IQSEC1: variants seen among roughly 807,000 people sequenced by gnomAD.
IQSEC1 encodes IQ motif and SEC7 domain-containing protein 1.
In IQSEC1, 31 loss-of-function variants were observed where a neutral mutation model predicts 91.0. The ratio of observed to expected loss-of-function variants is 0.34; its 90% CI spans 0.26 to 0.46. IQSEC1 has a LOEUF of 0.46. IQSEC1 is among the 20% of genes least tolerant of loss of function. The pLI, the probability that IQSEC1 is intolerant of heterozygous loss-of-function variation, is 1.00. For synonymous variants in IQSEC1, 699 were observed against 662.6 expected (o/e 1.05, Z -0.84); for missense variants, 1,388 against 1,575.6 (o/e 0.88, Z 2.02).
At chr3:13,200,026 TCACACACACCACACACTACACACG>T (rs1237525295) in intron 1 of IQSEC1, among the ~76,000 whole-genome samples, 123 of 132,882 alleles carry the variant, frequency 9.3e-4, no homozygotes, top group African/African-American at 3.3e-3. Context: ...CACATGTACA[TCACACACACCACACACTACACACG>T]CACACACACC....
intron 1 of IQSEC1, chr3:13,022,474 C>T (rs1703443841): frequency 9.9e-7 from 1 of 1,006,698 alleles, no homozygotes; most frequent in Admixed American, 5.9e-5. Context: ...CAGTGAGTCA[C>T]TCAGGGCGGG....
rs1701585714 is a variant in IQSEC1 at position 12,983,742 on chromosome 3, CCTCTGGA to C, written c.24-41884_24-41878del. Among the ~76,000 whole-genome samples, 1 of 152,212 alleles carries C rather than the reference CCTCTGGA, an allele frequency of 6.6e-6. No individual in the cohort carries two copies. Among genetic ancestry groups the C allele is most frequent in the Admixed American group, 6.5e-5 (1 of 15,274 alleles). On this transcript the variant is annotated intron_variant, in intron 1 of 13. Coordinates refer to ENST00000613206, the MANE Select transcript of IQSEC1 (RefSeq NM_001134382.3). The surrounding 1 kb of genome is among the most constrained non-coding windows in gnomAD (Gnocchi z 4.3). Reference sequence around the variant, plus strand: ...GAGGACAATTTCCCTTTCCCTCTCCCCTCTGGACAGCTCCGTGAGGATAAGAATAAGG... The same window carrying C: ...GAGGACAATTTCCCTTTCCCTCTCCCCAGCTCCGTGAGGATAAGAATAAGG...
chr3:13,112,581 G>A (rs957413226), intron 2 of IQSEC1, among the ~76,000 whole-genome samples: 5 of 149,194 alleles, frequency 3.4e-5, no homozygotes, highest in African/African-American at 5.1e-5. Context: ...AGGGCACTGC[G>A]TGCTGGCCCC....
chr3:13,083,657 C>G (rs1263417203), intron 2 of IQSEC1, among the ~76,000 whole-genome samples: 1 of 152,274 alleles, frequency 6.6e-6, no homozygotes, highest in African/African-American at 2.4e-5. Context: ...TCTAGGCAGC[C>G]TTGCTAGATG....
At chr3:13,089,938 G>A (rs563083063) in intron 2 of IQSEC1, among the ~76,000 whole-genome samples, 40 of 152,340 alleles carry the variant, frequency 2.6e-4, no homozygotes, top group African/African-American at 7.9e-4. Context: ...ATTTTAGGCC[G>A]GGCACGGTGG....
chr3:12,920,645 C>A, intron 5 of IQSEC1, 49 bp from the exon 6 acceptor site: 1 of 1,577,154 alleles, frequency 6.3e-7, no homozygotes, highest in African/African-American at 1.3e-5. Flanking sequence ...GCAAGTGACA[C>A]GGCCCCTCTC....
At chr3:12,985,418 G>A (rs1701678990) in intron 1 of IQSEC1, among the ~76,000 whole-genome samples, 1 of 152,136 alleles carries the variant, frequency 6.6e-6, no homozygotes, top group African/African-American at 2.4e-5. Context: ...GCTGGAGCCT[G>A]GGGGTGGGAG....
intron 2 of IQSEC1, among the ~76,000 whole-genome samples, chr3:12,937,779 G>C (rs1183504173): frequency 6.6e-6 from 1 of 152,368 alleles, no homozygotes; most frequent in South Asian, 2.1e-4. Flanking sequence ...AAGCCCCCAA[G>C]CTCCCTTGCT....
chr3:13,092,589 G>T (rs761046507), intron 2 of IQSEC1, among the ~76,000 whole-genome samples: 7 of 152,122 alleles, frequency 4.6e-5, no homozygotes, highest in Non-Finnish European at 8.8e-5. Flanking sequence ...GGTGCTGGGG[G>T]CCTCTCTGAG....
chr3:13,155,752 A>G (rs1031479621), intron 2 of IQSEC1, among the ~76,000 whole-genome samples: 1 of 152,200 alleles, frequency 6.6e-6, no homozygotes, highest in Non-Finnish European at 1.5e-5. Flanking sequence ...GTAGCCCAAT[A>G]AAAGAATTCT....
At position 13,008,823 on chromosome 3, in the gene IQSEC1, C is replaced by T. The variant is rs1167081322; in HGVS notation, c.23+64169G>A. ...AGCTCACAGAGGAGGGGATATCCAG[C>T]TAACCCAGTGGGAACCAGACACGCT... On this transcript the variant is annotated intron_variant, in intron 1 of 13. Coordinates refer to ENST00000613206, the MANE Select transcript of IQSEC1 (RefSeq NM_001134382.3). This position sits in a 1 kb window ranked among gnomAD's most constrained non-coding sequence, Gnocchi z 4.1. 6.6e-6 allele frequency among the ~76,000 whole-genome samples: 1 copy of T among 152,208 alleles called. No individual in the cohort carries two copies. Among genetic ancestry groups the T allele is most frequent in the Non-Finnish European group, 1.5e-5 (1 of 68,036 alleles).
chr3:13,211,362 G>A lies in IQSEC1; in HGVS notation c.273-47229C>T, dbSNP rs1559278272. On this transcript the variant is annotated intron_variant, in intron 1 of 15. Coordinates refer to the IQSEC1 transcript ENST00000648114. This position sits in a 1 kb window ranked among gnomAD's most constrained non-coding sequence, Gnocchi z 5.3. Reference sequence around the variant, plus strand: ...TAATAGCGTGCCCATGAAATTTACTGAATTAGGAAGGGAGGGAGGAAATAT... The same window carrying A: ...TAATAGCGTGCCCATGAAATTTACTAAATTAGGAAGGGAGGGAGGAAATAT... 2.6e-5 allele frequency among the ~76,000 whole-genome samples: 4 copies of A among 152,194 alleles called. No homozygotes were observed. The South Asian group carries it at 8.3e-4, about 32-fold the overall frequency.
At chr3:13,198,017 C>T (rs935139569) in intron 1 of IQSEC1, among the ~76,000 whole-genome samples, 2 of 152,192 alleles carry the variant, frequency 1.3e-5, no homozygotes, top group African/African-American at 4.8e-5. Flanking sequence ...TGCCCTGTGG[C>T]CCCGGGGCAG....
chr3:13,107,478 C>G (rs1205367673), intron 2 of IQSEC1, among the ~76,000 whole-genome samples: 1 of 152,240 alleles, frequency 6.6e-6, no homozygotes, highest in Non-Finnish European at 1.5e-5. Context: ...CTCCATATTA[C>G]ACATGGAGAA....
chr3:12,959,444 G>C (rs1199446173), intron 1 of IQSEC1, among the ~76,000 whole-genome samples: 1 of 152,214 alleles, frequency 6.6e-6, no homozygotes, highest in African/African-American at 2.4e-5. Flanking sequence ...TGGAAGAGAA[G>C]CGAGTTCTCC....
At chr3:13,024,303 A>G (rs1703520510) in intron 1 of IQSEC1, among the ~76,000 whole-genome samples, 2 of 151,970 alleles carry the variant, frequency 1.3e-5, no homozygotes, top group Non-Finnish European at 2.9e-5. Flanking sequence ...CCTATCATCC[A>G]TTCATTTATC....
rs1031923091 is a variant in IQSEC1 at position 12,924,108 on chromosome 3, C to G, written c.1730+473G>C. On this transcript the variant is annotated intron_variant, in intron 4 of 13. Coordinates refer to ENST00000613206, the MANE Select transcript of IQSEC1 (RefSeq NM_001134382.3). The surrounding 1 kb of genome is among the most constrained non-coding windows in gnomAD (Gnocchi z 6.3). ...GGTCACTTGATCTGACTCCCCACCA[C>G]TCTCCCCAGGGGTGAGTCAGGAGCA... Among the ~76,000 whole-genome samples the G allele has an allele frequency of 6.6e-6, 1 of 152,176 alleles. No individual in the cohort carries two copies. The highest frequency in any genetic ancestry group is 1.5e-5 in the Non-Finnish European group (1 of 68,026).
In IQSEC1 at chr3:13,073,054, C is replaced by T; in HGVS notation, c.-40G>A. 1.3e-6 allele frequency: 2 copies of T among 1,551,594 alleles called. No individual in the cohort carries two copies. The highest frequency in any genetic ancestry group is 8.7e-7 in the Non-Finnish European group (1 of 1,146,842). ...TTCTTCCCTGTTCTGGCTCCCTCTC[C>T]AGCGGGGAGGCTCAACGTGTTTCCA... On this transcript the variant is annotated 5_prime_UTR_variant, in exon 1 of 14. Transcript: ENST00000613206.
chr3:12,967,325 A>G lies in IQSEC1; in HGVS notation c.24-25460T>C, dbSNP rs1700643975. 1 of 1,416,604 alleles carries G rather than the reference A, an allele frequency of 7.1e-7. No homozygotes were observed. The highest frequency in any genetic ancestry group is 1.5e-5 in the African/African-American group (1 of 68,632). The allele number at this position is 1,416,604 out of a possible 1,614,324, so 87.8% of individuals were successfully genotyped here. On this transcript the variant is annotated intron_variant, in intron 1 of 13. Coordinates refer to ENST00000613206, the MANE Select transcript of IQSEC1 (RefSeq NM_001134382.3). This position sits in a 1 kb window ranked among gnomAD's most constrained non-coding sequence, Gnocchi z 5.9. ...CGCACTCCCGCACAGGCATCCCCAC[A>G]GCCTGCGCCAGCCCACCGCTCAGCA...
Sources: allele counts gnomAD v4.1 joint callset (sites outside exome capture counted in the v4.1 genomes callset), GRCh38; gene constraint gnomAD v4.1.1; non-coding constraint Gnocchi (gnomAD v3.1); transcripts MANE v1.5; gene names NCBI Gene and HGNC (gene_info 2026-07-23, HGNC 2026-07-21).